The following PHF19 variants were observed in gnomAD, a reference collection of about 807,000 sequenced individuals.
PHF19 encodes the protein PHD finger protein 19, also known as polycomb like 3.
Under a neutral mutation model 79.8 loss-of-function variants are expected in PHF19, and 21 were observed. The observed-to-expected ratio is 0.26, with a 90% confidence interval of 0.19 to 0.38. PHF19 has a LOEUF of 0.38. Ranked by LOEUF, PHF19 falls within the 10% of genes least tolerant of loss-of-function variation. PHF19 has a pLI of 1.00. For synonymous variants in PHF19, 273 were observed against 296.3 expected (o/e 0.92, Z 0.81); for missense variants, 445 against 744.2 (o/e 0.60, Z 4.68).
rs1274094055 is a variant in PHF19, at chr9:120,866,157, C to T, written c.711-61G>A. ...GGGGCTCTGACACCCCCACCCCAGT[C>T]CAGCCCCTTGATCTCCTCATTCCCC... On this transcript the variant is annotated intron_variant, in intron 7 of 14. Transcript: ENST00000373896. This position sits in a 1 kb window ranked among gnomAD's most constrained non-coding sequence, Gnocchi z 5.2. The T allele has an allele frequency of 3.3e-6, 4 of 1,214,296 alleles. No individual in the cohort carries two copies. In the African/African-American group the frequency reaches 4.5e-5, roughly 14 times the overall value. The allele number at this position is 1,214,296 out of a possible 1,614,324, so 75.2% of individuals were successfully genotyped here.
intron 1 of PHF19, among the ~76,000 whole-genome samples, chr9:120,890,366 G>GA (rs376002027): frequency 9.4e-5 from 14 of 148,550 alleles, no homozygotes; most frequent in Non-Finnish European, 4.4e-5. Flanking sequence ...AGAGTTTATG[G>GA]AAAAAAAGCT....
At chr9:120,887,098 A>AAAAC (rs2046275192) in intron 1 of PHF19, among the ~76,000 whole-genome samples, 1 of 103,590 alleles carries the variant, frequency 9.7e-6, no homozygotes, top group Non-Finnish European at 2.0e-5. Flanking sequence ...GAAAAGAAAA[A>AAAAC]AGAAAATTAC....
At chr9:120,886,600 T>C (rs1194806699) in intron 1 of PHF19, among the ~76,000 whole-genome samples, 1 of 152,228 alleles carries the variant, frequency 6.6e-6, no homozygotes, top group Non-Finnish European at 1.5e-5. Flanking sequence ...GGTGTGACTA[T>C]GGAGATCCCT....
upstream of PHF19, among the ~76,000 whole-genome samples, chr9:120,896,079 C>T (rs1029187532): frequency 6.6e-6 from 1 of 152,202 alleles, no homozygotes; most frequent in Non-Finnish European, 1.5e-5. Context: ...GACCTCACCT[C>T]TCTGAGCCTC....
In PHF19 at chr9:120,891,471, G is replaced by T. The variant is rs1246424074; in HGVS notation, c.42+3317C>A. Reference sequence around the variant, plus strand: ...ATCTTCAGAGACTCTGGTTTGATTGGCCTGGATGTGGCCTAGGCATGGGGT... The same window carrying T: ...ATCTTCAGAGACTCTGGTTTGATTGTCCTGGATGTGGCCTAGGCATGGGGT... On this transcript the variant is annotated intron_variant, in intron 1 of 14. Transcript: ENST00000616568. This position sits in a 1 kb window ranked among gnomAD's most constrained non-coding sequence, Gnocchi z 4.3. 1.3e-5 allele frequency among the ~76,000 whole-genome samples: 2 copies of T among 152,104 alleles called. No individual in the cohort carries two copies.
At chr9:120,872,037 C>CATAAAA (rs1491425777) in intron 3 of PHF19, among the ~76,000 whole-genome samples, 1 of 30,322 alleles carries the variant, frequency 3.3e-5, no homozygotes, top group Non-Finnish European at 5.5e-5. Flanking sequence ...GACTCTGTCT[C>CATAAAA]AAAAAAAAAA....
intron 1 of PHF19, among the ~76,000 whole-genome samples, chr9:120,889,168 T>C (rs1207115549): frequency 6.6e-6 from 1 of 152,062 alleles, no homozygotes; most frequent in African/African-American, 2.4e-5. Context: ...TGGCACACGC[T>C]TGTAATCCCA....
chr9:120,863,957 G>A (rs1220086155), intron 10 of PHF19, 92 bp downstream of exon 10: 32 of 1,011,152 alleles, frequency 3.2e-5, no homozygotes, highest in Non-Finnish European at 4.7e-5. Context: ...TATCAGAGAG[G>A]CAGGGAGCAT....
chr9:120,874,729 C>T lies in PHF19; in HGVS notation c.13G>A (p.Ala5Thr), dbSNP rs2045998895. The change falls in exon 2 of 15, where the codon GCT (alanine) becomes ACT (threonine). Residue 5 changes from alanine to threonine, a missense_variant. Ala to Thr is a moderately conservative substitution (Grantham distance 58, BLOSUM62 0). Around this residue, in one of 5 missense-constraint regions of PHF19, gnomAD observed 50 missense variants for 54.8 expected, o/e 0.91. Coordinates refer to ENST00000373896, the MANE Select transcript of PHF19 (RefSeq NM_015651.3). The surrounding 1 kb of genome is among the most constrained non-coding windows in gnomAD (Gnocchi z 4.5). MENR[A>T]LDPGTRDSYG... ...GAGTCCCGAGTCCCTGGATCCAGAG[C>T]TCGATTCTCCATCAGCTTCCCCTGA... 1.2e-6 allele frequency: 2 copies of T among 1,613,036 alleles called. No individual in the cohort carries two copies. Among genetic ancestry groups the T allele is most frequent in the Non-Finnish European group, 1.7e-6 (2 of 1,179,174 alleles).
rs745821586 is a variant in PHF19 at position 120,862,691 on chromosome 9, C to A, written c.1027G>T (p.Val343Phe). Residue 343 changes from valine to phenylalanine, a missense_variant, in exon 11 of 15, where the codon GTC becomes TTC. Val to Phe is a conservative substitution (Grantham distance 50). This residue lies in a region of PHF19 where 83 missense variants were observed against 85.5 expected (regional missense o/e 0.97). Transcript: ENST00000373896. The surrounding 1 kb of genome is among the most constrained non-coding windows in gnomAD (Gnocchi z 4.6). ...KKCIFRLRIRVPPNPPGKLLP... is the reference protein window; with the variant it reads ...KKCIFRLRIRFPPNPPGKLLP... ...AGCTTCCCTGGCGGGTTGGGTGGGA[C>A]GCGGATGCGCAGGCGGAAGATGCAC... 1 of 1,614,180 alleles carries A rather than the reference C, an allele frequency of 6.2e-7. No individual in the cohort carries two copies. Among genetic ancestry groups the A allele is most frequent in the Non-Finnish European group, 8.5e-7 (1 of 1,180,016 alleles).
chr9:120,893,535 G>A (rs1378536222), intron 1 of PHF19, among the ~76,000 whole-genome samples: 2 of 152,240 alleles, frequency 1.3e-5, no homozygotes, highest in Non-Finnish European at 2.9e-5. Context: ...GCCTCTGGCA[G>A]TTTTCTGCAA....
rs2045559178 is a variant in PHF19 at position 120,862,414 on chromosome 9, C to G, written c.1130+174G>C. Among the ~76,000 whole-genome samples the G allele has an allele frequency of 6.6e-6, 1 of 152,192 alleles. No individual in the cohort carries two copies. Among genetic ancestry groups the G allele is most frequent in the Non-Finnish European group, 1.5e-5 (1 of 68,036 alleles). On this transcript the variant is annotated intron_variant, in intron 11 of 14. Coordinates refer to ENST00000373896, the MANE Select transcript of PHF19 (RefSeq NM_015651.3). This position sits in a 1 kb window ranked among gnomAD's most constrained non-coding sequence, Gnocchi z 4.6. ...TCCTCCTTGCGAGGTAATAAGGGGG[C>G]TGTGGTGGTGAAAGGAGTTGGGGAT...
chr9:120,861,870 T>C, intron 12 of PHF19, 48 bp downstream of exon 12: 1 of 1,318,556 alleles, frequency 7.6e-7, no homozygotes. Context: ...CCCTAATATG[T>C]GCTGACCCTG....
chr9:120,879,774 T>TGACCC (rs1348738518), upstream of PHF19, among the ~76,000 whole-genome samples: 1 of 152,158 alleles, frequency 6.6e-6, no homozygotes, highest in Non-Finnish European at 1.5e-5. Flanking sequence ...GGGAGGTGGG[T>TGACCC]GTGCCAGGTG....
Position 120,862,455 on chromosome 9 carries a change from C to T in PHF19, c.1130+133G>A, listed in dbSNP as rs1024046489. 7 of 710,832 alleles carry T rather than the reference C, an allele frequency of 9.8e-6. No homozygotes were observed. The highest frequency in any genetic ancestry group is 8.1e-5 in the Admixed American group (3 of 37,026). 44.0% of individuals were successfully genotyped at this position (710,832 alleles called of 1,614,324 possible). On this transcript the variant is annotated intron_variant, in intron 11 of 14. Coordinates refer to ENST00000373896, the MANE Select transcript of PHF19 (RefSeq NM_015651.3). The surrounding 1 kb of genome is among the most constrained non-coding windows in gnomAD (Gnocchi z 4.6). ...AGTTGGGGATCTGGGATCTGGGATC[C>T]CGCTCAGCCACTATCTAGCCCTCTC...
upstream of PHF19, among the ~76,000 whole-genome samples, chr9:120,880,508 A>C (rs975604155): frequency 2.0e-5 from 3 of 152,162 alleles, no homozygotes; most frequent in Non-Finnish European, 2.9e-5. Flanking sequence ...AACAAACAGC[A>C]GACCAGATAG....
At position 120,865,722 on chromosome 9, in the gene PHF19, C is replaced by T. The variant is rs2045679050; in HGVS notation, c.888G>A (p.Leu296=). 2.5e-6 allele frequency: 4 copies of T among 1,614,220 alleles called. No individual in the cohort carries two copies. Among genetic ancestry groups the T allele is most frequent in the Non-Finnish European group, 3.4e-6 (4 of 1,180,028 alleles). The change falls in exon 9 of 15, where the codon CTG becomes CTA. Residue 296 remains leucine (L), a synonymous_variant. Transcript: ENST00000373896. The stretch of plus-strand genomic sequence containing the variant: ...CAACCCCACATACCTTGCCAAGCTG[C>T]AGGAGCTCCCAGTGGTGGTTGACAA... The part of the protein sequence containing the change: ...LAFVNHHWEL[L]QLGKLTSTPV...
At position 120,858,124 on chromosome 9, in the gene PHF19, T is replaced by C. The variant is rs1471828571; in HGVS notation, c.1563A>G (p.Thr521=). The change falls in exon 15 of 15, where the codon ACA becomes ACG. Residue 521 remains threonine, a synonymous_variant. Transcript: ENST00000373896. ...ERPDEGIDSH[T]FESISEDDSS... is the part of the protein sequence containing the mutation. ...AGTCATCTTCACTGATGCTCTCAAA[T>C]GTGTGGCTGTCAATGCCTTCGTCTG... is the stretch of plus-strand genomic sequence containing the variant. The C allele has an allele frequency of 1.2e-6, 2 of 1,614,070 alleles. No individual in the cohort carries two copies. Among genetic ancestry groups the C allele is most frequent in the Middle Eastern group, 1.7e-4 (1 of 6,060 alleles).
the PHF19 span, chr9:120,902,511 T>TTG: frequency 3.1e-5 from 2 of 64,548 alleles, no homozygotes; most frequent in Admixed American, 1.9e-4. Context: ...GGGCGGGGGG[T>TTG]GGGGGGGGGG....
Sources: allele counts gnomAD v4.1 joint callset (sites outside exome capture counted in the v4.1 genomes callset), GRCh38; gene constraint gnomAD v4.1.1; regional missense constraint gnomAD v4.1.1; non-coding constraint Gnocchi (gnomAD v3.1); transcripts MANE v1.5; gene names NCBI Gene and HGNC (gene_info 2026-07-23, HGNC 2026-07-21).